ZBTB7C: variants seen among roughly 807,000 people sequenced by gnomAD.
The protein encoded by ZBTB7C is zinc finger and BTB domain containing 7C, also known as zinc finger and BTB domain-containing protein 7C.
Under a neutral mutation model 25.7 loss-of-function variants are expected in ZBTB7C, and 8 were observed. The ratio of observed to expected loss-of-function variants is 0.31; its 90% CI spans 0.18 to 0.56. ZBTB7C has a LOEUF of 0.56. Among genes scored for constraint, ZBTB7C ranks in the 20% least tolerant of loss-of-function variants. The pLI is 0.91. For missense variants in ZBTB7C, 824 were observed against 855.2 expected (o/e 0.96, Z 0.46); for synonymous variants, 394 against 369.0 (o/e 1.07, Z -0.78).
chr18:48,148,284 C>T (rs1195531131), intron 3 of ZBTB7C: 3 of 151,600 alleles, frequency 2.0e-5, no homozygotes, highest in East Asian at 1.9e-4. Context: ...GTTGGGATTA[C>T]AGGCGTGAGC....
chr18:48,119,608 G>A (rs116189491), intron 3 of ZBTB7C, among the ~76,000 whole-genome samples: 8,831 of 152,212 alleles, frequency 0.058, 309 homozygotes, highest in South Asian at 0.1. Flanking sequence ...ATATGTCTAC[G>A]TTTTGAATCA....
At chr18:48,031,374 C>T (rs377256448) in intron 4 of ZBTB7C, among the ~76,000 whole-genome samples, 11 of 152,076 alleles carry the variant, frequency 7.2e-5, no homozygotes, top group African/African-American at 2.4e-4. Flanking sequence ...GAAGTGGGGT[C>T]ACCCTCTTCC....
rs572783045 is a variant in ZBTB7C, at chr18:48,046,856, T to C, written c.-16-5733A>G. 2.0e-5 allele frequency among the ~76,000 whole-genome samples: 3 copies of C among 152,278 alleles called. No homozygotes were observed. The East Asian group carries it at 5.8e-4, about 29-fold the overall frequency. ...CATGTGATAGGATGGTTACGAGAAA[T>C]CTGATAACATCATGACCATGAGGAG... On this transcript the variant is annotated intron_variant, in intron 3 of 4. Coordinates refer to ENST00000590800, the MANE Select transcript of ZBTB7C (RefSeq NM_001318841.2).
rs146017844 is a variant in ZBTB7C at position 48,264,892 on chromosome 18, G to T, written c.-79+73282C>A. Among the ~76,000 whole-genome samples, 28 of 152,308 alleles carry T rather than the reference G, an allele frequency of 1.8e-4. No individual in the cohort carries two copies. In the East Asian group the frequency reaches 5.4e-3, roughly 29 times the overall value. ...CCCACGACCACAAGCGAAGTGGAAG[G>T]ACAGGGGTCCCAAGTCCTTGGCTGC... On this transcript the variant is annotated intron_variant, in intron 2 of 4. Transcript: ENST00000590800.
At chr18:48,290,202 A>G (rs2045180611) in intron 2 of ZBTB7C, among the ~76,000 whole-genome samples, 1 of 152,236 alleles carries the variant, frequency 6.6e-6, no homozygotes, top group Non-Finnish European at 1.5e-5. Context: ...CCACAGGACC[A>G]TGGATGGCTC....
intron 1 of ZBTB7C, among the ~76,000 whole-genome samples, chr18:48,381,268 A>G (rs1013600573): frequency 4.6e-5 from 7 of 152,242 alleles, no homozygotes; most frequent in Admixed American, 3.3e-4. Flanking sequence ...AATCCCAGGT[A>G]TGATGGTAAA....
intron 2 of ZBTB7C, among the ~76,000 whole-genome samples, chr18:48,243,024 G>C (rs1359741109): frequency 6.6e-6 from 1 of 152,026 alleles, no homozygotes; most frequent in Non-Finnish European, 1.5e-5. Flanking sequence ...AACAATTTGG[G>C]AGGCCGAGGC....
intron 4 of ZBTB7C, among the ~76,000 whole-genome samples, chr18:48,034,935 C>A (rs916305869): frequency 1.3e-5 from 2 of 152,176 alleles, no homozygotes; most frequent in African/African-American, 4.8e-5. Context: ...AGAAAGGCTC[C>A]CAATCAGGAT....
chr18:48,074,780 T>C (rs1203314760), intron 3 of ZBTB7C, among the ~76,000 whole-genome samples: 1 of 152,206 alleles, frequency 6.6e-6, no homozygotes, highest in Non-Finnish European at 1.5e-5. Context: ...CAAAGCAGTT[T>C]TTAGCTGGAC....
chr18:48,083,383 C>G (rs1451732469), intron 3 of ZBTB7C, among the ~76,000 whole-genome samples: 3 of 152,142 alleles, frequency 2.0e-5, no homozygotes, highest in African/African-American at 4.8e-5. Context: ...CTTCCCTCCA[C>G]AGTATTCCTT....
intron 2 of ZBTB7C, among the ~76,000 whole-genome samples, chr18:48,245,279 T>A (rs1430814740): frequency 6.6e-6 from 1 of 150,726 alleles, no homozygotes; most frequent in Non-Finnish European, 1.5e-5. Context: ...GCTATGAGGA[T>A]GCAAAGGCAT....
rs562155818 is a variant in ZBTB7C at position 48,055,775 on chromosome 18, G to A, written c.-16-14652C>T. ...CTACCCTTTCCCTCCACCCCAACTC[G>A]ACCCCACTGCAGCTACCACCGCTCG... On this transcript the variant is annotated intron_variant, in intron 3 of 4. Transcript: ENST00000590800. 5.9e-5 allele frequency among the ~76,000 whole-genome samples: 9 copies of A among 151,930 alleles called. No individual in the cohort carries two copies. The East Asian group carries it at 1.7e-3, about 29-fold the overall frequency.
At chr18:48,405,511 G>A (rs1337303038) in intron 1 of ZBTB7C, among the ~76,000 whole-genome samples, 4 of 152,200 alleles carry the variant, frequency 2.6e-5, no homozygotes, top group Non-Finnish European at 4.4e-5. Flanking sequence ...CTCACTTTGT[G>A]CAAATGGGAG....
chr18:48,394,954 C>T (rs1240044316), intron 1 of ZBTB7C, among the ~76,000 whole-genome samples: 1 of 152,102 alleles, frequency 6.6e-6, no homozygotes, highest in Non-Finnish European at 1.5e-5. Flanking sequence ...CCTCTAAAAC[C>T]ACATATAAAT....
chr18:48,176,616 C>CGTGTGTGTGT (rs10533963), intron 3 of ZBTB7C, among the ~76,000 whole-genome samples: 13,073 of 149,462 alleles, frequency 0.087, 842 homozygotes, highest in African/African-American at 0.18. Flanking sequence ...AGGAAATACA[C>CGTGTGTGTGT]GTGTGTGTGT....
chr18:48,359,700 T>C (rs1172610897), intron 1 of ZBTB7C, among the ~76,000 whole-genome samples: 1 of 152,194 alleles, frequency 6.6e-6, no homozygotes, highest in African/African-American at 2.4e-5. Flanking sequence ...CCTTTTCCTT[T>C]TGCCCAAAGA....
intron 2 of ZBTB7C, among the ~76,000 whole-genome samples, chr18:48,261,757 C>T (rs143278848): frequency 1.6e-3 from 237 of 152,360 alleles, no homozygotes; most frequent in South Asian, 5.4e-3. Flanking sequence ...TCAGCTCAGG[C>T]TCTGTGGGCT....
At chr18:48,158,823 G>A (rs1384476739) in intron 3 of ZBTB7C, among the ~76,000 whole-genome samples, 4 of 152,198 alleles carry the variant, frequency 2.6e-5, no homozygotes, top group Non-Finnish European at 5.9e-5. Context: ...TCCATCTCGA[G>A]GTTTTGAAGG....
At chr18:48,166,764 C>A (rs75174819) in intron 3 of ZBTB7C, among the ~76,000 whole-genome samples, 2,237 of 152,306 alleles carry the variant, frequency 0.015, 59 homozygotes, top group African/African-American at 0.051. Flanking sequence ...CGTAGATGGA[C>A]CATATTGGGC....
Sources: gnomAD v4.1 joint callset for allele counts (sites outside exome capture counted in the v4.1 genomes callset) on GRCh38, gnomAD v4.1.1 for gene constraint, MANE v1.5 for transcripts, NCBI Gene and HGNC (gene_info 2026-07-23, HGNC 2026-07-21) for gene names.